Variants in AGRN observed in about 807,000 individuals in gnomAD.
AGRN encodes agrin, also known as agrin proteoglycan.
In AGRN, 106 loss-of-function variants were observed where a neutral mutation model predicts 211.0. That is an observed-to-expected ratio of 0.50 (90% confidence interval 0.43 to 0.59). The LOEUF is 0.59. Among genes scored for constraint, AGRN ranks in the 20% least tolerant of loss-of-function variants. The pLI is 0.00. For synonymous variants in AGRN, 1,525 were observed against 1,332.5 expected (o/e 1.14, Z -3.15); for missense variants, 3,040 against 2,982.6 (o/e 1.02, Z -0.45).
In AGRN at chr1:1,048,899, C is replaced by T. The variant is rs747790893; in HGVS notation, c.4138C>T (p.Arg1380Cys). 150 of 1,549,410 alleles carry T rather than the reference C, an allele frequency of 9.7e-5. No individual in the cohort carries two copies. The highest frequency in any genetic ancestry group is 1.2e-4 in the Non-Finnish European group (143 of 1,147,202). ...CGCCCCTGTGCCGGCCTTCGAGGGC[C>T]GCTCCTTCCTGGCCTTCCCCACTCT... Reference protein sequence around the residue: ...LGAPVPAFEGRSFLAFPTLRA... With the variant: ...LGAPVPAFEGCSFLAFPTLRA... The change falls in exon 24 of 36, where the codon CGC becomes TGC. Residue 1380 changes from arginine to cysteine, a missense_variant. Coordinates refer to ENST00000379370, the MANE Select transcript of AGRN (RefSeq NM_198576.4). This position sits in a 1 kb window ranked among gnomAD's most constrained non-coding sequence, Gnocchi z 5.9.
chr1:1,035,243 G>C, intron 2 of AGRN, 34 bp from the exon 3 acceptor site: 1 of 1,612,252 alleles, frequency 6.2e-7, no homozygotes, highest in African/African-American at 1.3e-5. Context: ...AGCCTGCTCA[G>C]AGGAGCCTAA....
Position 1,020,341 on chromosome 1 carries a change from G to A in AGRN, c.169G>A (p.Val57Met), listed in dbSNP as rs1644367921. The change falls in exon 1 of 36, where the codon GTG (valine) becomes ATG (methionine). Residue 57 changes from valine to methionine, a missense_variant. Transcript: ENST00000379370. ...LTGTVEEILN[V>M]DPVQHTYSCK... Reference sequence around the variant, plus strand: ...CGGGACGGTGGAGGAGATCCTCAACGTGGACCCGGTGCAGCACACGTACTC... The same window carrying A: ...CGGGACGGTGGAGGAGATCCTCAACATGGACCCGGTGCAGCACACGTACTC... 3 of 1,494,044 alleles carry A rather than the reference G, an allele frequency of 2.0e-6. No homozygotes were observed. The highest frequency in any genetic ancestry group is 2.2e-5 in the Admixed American group (1 of 45,624). The allele number at this position is 1,494,044 out of a possible 1,614,324, so 92.5% of individuals were successfully genotyped here.
At position 1,046,553 on chromosome 1, in the gene AGRN, G is replaced by A. The variant is rs775442981; in HGVS notation, c.3068G>A (p.Arg1023Gln). The A allele has an allele frequency of 9.9e-6, 16 of 1,608,942 alleles. No individual in the cohort carries two copies. The highest frequency in any genetic ancestry group is 1.7e-5 in the Admixed American group (1 of 59,820). The stretch of plus-strand genomic sequence containing the variant: ...CAGACCACCCCTCCGCCCTCATCAC[G>A]ACCTCGGACCACTGCCAGCGTCCCC... ...HSQTTPPPSS[R>Q]PRTTASVPRT... Residue 1023 changes from arginine to glutamine, a missense_variant, in exon 18 of 36, where the codon CGA (arginine) becomes CAA (glutamine). By Grantham distance (43) the Arg-to-Gln change is conservative (BLOSUM62 1). Coordinates refer to ENST00000379370, the MANE Select transcript of AGRN (RefSeq NM_198576.4).
chr1:1,044,019 G>T lies in AGRN; in HGVS notation c.1995G>T (p.Glu665Asp), dbSNP rs752339788. Residue 665 changes from glutamate to aspartate, a missense_variant, in exon 10 of 36, where the codon GAG becomes GAT. Transcript: ENST00000379370. Reference sequence around the variant, plus strand: ...AGGAGGCCCGGGCAGGGCCGTGCGAGCAGGGTAGGCCGGGGGACGCTGGCG... The same window carrying T: ...AGGAGGCCCGGGCAGGGCCGTGCGATCAGGGTAGGCCGGGGGACGCTGGCG... Reference protein sequence around the residue: ...QIEEARAGPCEQAECGSGGSG... With the variant: ...QIEEARAGPCDQAECGSGGSG... The T allele has an allele frequency of 8.7e-6, 14 of 1,609,460 alleles. No individual in the cohort carries two copies. The highest frequency in any genetic ancestry group is 2.7e-5 in the African/African-American group (2 of 74,916).
chr1:1,043,941 C>T lies in AGRN; in HGVS notation c.1917C>T (p.Tyr639=), dbSNP rs985160346. 34 of 1,607,814 alleles carry T rather than the reference C, an allele frequency of 2.1e-5. No homozygotes were observed. Among genetic ancestry groups the T allele is most frequent in the African/African-American group, 8.0e-5 (6 of 74,898 alleles). Residue 639 remains tyrosine (Y), a synonymous_variant, in exon 10 of 36, where the codon TAC becomes TAT. Transcript: ENST00000379370. ...TGTGTGGCAGCGACGGTGTCACCTA[C>T]GGCAGTGCCTGCGAGCTACGGGAAG... ...GPVCGSDGVT[Y]GSACELREAA...
intron 2 of AGRN, among the ~76,000 whole-genome samples, chr1:1,030,575 G>A (rs1644644065): frequency 1.2e-5 from 1 of 84,934 alleles, no homozygotes; most frequent in Non-Finnish European, 2.5e-5. Flanking sequence ...CAGCATGTGT[G>A]TGTGCAGTGC....
intron 2 of AGRN, among the ~76,000 whole-genome samples, chr1:1,024,893 G>A (rs1189179371): frequency 6.6e-6 from 1 of 152,220 alleles, no homozygotes; most frequent in Non-Finnish European, 1.5e-5. Context: ...CCCTCCGGAA[G>A]GAGACCCCCG....
chr1:1,033,051 C>T (rs1287874920), intron 2 of AGRN, among the ~76,000 whole-genome samples: 1 of 152,128 alleles, frequency 6.6e-6, no homozygotes, highest in Non-Finnish European at 1.5e-5. Flanking sequence ...GACCCCCATT[C>T]CCCGCCCCGG....
At chr1:1,054,137 G>A (rs571480523) in intron 34 of AGRN, among the ~76,000 whole-genome samples, 160 bp downstream of exon 34, 24 of 152,346 alleles carry the variant, frequency 1.6e-4, no homozygotes, top group African/African-American at 5.8e-4. Context: ...CCAAGAAGAT[G>A]CAGGAGAAGC....
rs746659309 is a variant in AGRN, at chr1:1,047,791, C to G, written c.3647C>G (p.Ala1216Gly). The G allele has an allele frequency of 4.4e-6, 7 of 1,606,058 alleles. No homozygotes were observed. Among genetic ancestry groups the G allele is most frequent in the Non-Finnish European group, 5.9e-6 (7 of 1,176,848 alleles). ...TCCTCCCCAGCCACAGCCTTCAGGG[C>G]ACCCGACGTGGCCCGGGCCCTGCTC... ...VHFDPTTAFRAPDVARALLRQ... is the reference protein window; with the variant it reads ...VHFDPTTAFRGPDVARALLRQ... The change falls in exon 22 of 36, where the codon GCA (alanine) becomes GGA (glycine). Residue 1216 changes from alanine (A) to glycine (G), a missense_variant. Physicochemically the swap from Ala to Gly is moderately conservative, Grantham distance 60. Coordinates refer to ENST00000379370, the MANE Select transcript of AGRN (RefSeq NM_198576.4).
At chr1:1,020,654 C>T (rs1291218621) in intron 1 of AGRN, among the ~76,000 whole-genome samples, 3 of 151,892 alleles carry the variant, frequency 2.0e-5, no homozygotes, top group Non-Finnish European at 4.4e-5. Context: ...GCCCTCCCTA[C>T]CGGCCGAGAA....
rs546593512 is a variant in AGRN, at chr1:1,055,114, C to G, written c.*133C>G. The G allele has an allele frequency of 3.0e-4, 423 of 1,412,040 alleles. 5 individuals are homozygous for G. In the South Asian group the frequency reaches 4.8e-3, roughly 16 times the overall value. The allele number at this position is 1,412,040 out of a possible 1,614,324, so 87.5% of individuals were successfully genotyped here. On this transcript the variant is annotated 3_prime_UTR_variant, in exon 36 of 36. Transcript: ENST00000379370. ...CCGGCCTCCCTTCCGTCCAGGCAGCCGTGCTGCAGACAGACCTAGTGCCGA... is the reference window on the plus strand; with the variant it reads ...CCGGCCTCCCTTCCGTCCAGGCAGCGGTGCTGCAGACAGACCTAGTGCCGA...
At chr1:1,050,066 G>A in intron 27 of AGRN, 29 bp downstream of exon 27, 1 of 1,357,600 alleles carries the variant, frequency 7.4e-7, no homozygotes, top group Non-Finnish European at 1.0e-6. Context: ...TCGGGGCAGG[G>A]GGGGGGGGGG....
At chr1:1,034,710 G>A in intron 2 of AGRN, 1 of 996,718 alleles carries the variant, frequency 1.0e-6, no homozygotes, top group Non-Finnish European at 1.2e-6. Flanking sequence ...AACTGTAGGT[G>A]GCCGCGGGCG....
chr1:1,055,493 C>T lies in AGRN; in HGVS notation c.*512C>T, dbSNP rs905557777. On this transcript the variant is annotated 3_prime_UTR_variant, in exon 36 of 36. Transcript: ENST00000379370. Reference sequence around the variant, plus strand: ...AATGTTACTGCTGGGCACAGCTCTGCGTTGCTCCCGTGCTGCCTGCGCCAG... The same window carrying T: ...AATGTTACTGCTGGGCACAGCTCTGTGTTGCTCCCGTGCTGCCTGCGCCAG... The T allele has an allele frequency of 2.0e-5, 5 of 244,340 alleles. No homozygotes were observed. The East Asian group carries it at 3.3e-4, about 16-fold the overall frequency. The allele number at this position is 244,340 out of a possible 1,614,324, so 15.1% of individuals were successfully genotyped here.
In AGRN at chr1:1,048,767, CAAAAA is replaced by C. The variant is rs57668569; in HGVS notation, c.4106-82_4106-78del. On this transcript the variant is annotated intron_variant, in intron 23 of 35. Coordinates refer to ENST00000379370, the MANE Select transcript of AGRN (RefSeq NM_198576.4). The surrounding 1 kb of genome is among the most constrained non-coding windows in gnomAD (Gnocchi z 5.9). The stretch of plus-strand genomic sequence containing the variant: ...GGGCAAAAAGAGCAAAACTCCGTCT[CAAAAA>C]AAAAAAAAAAAAAAAAAGCAGGGGG... The C allele has an allele frequency of 1.1e-3, 1,204 of 1,076,782 alleles. 1 individual carries two copies. The African/African-American group carries it at 0.017, about 15-fold the overall frequency. The allele number at this position is 1,076,782 out of a possible 1,614,324, so 66.7% of individuals were successfully genotyped here.
At chr1:1,037,789 C>T (rs1283022884) in intron 3 of AGRN, among the ~76,000 whole-genome samples, 2 of 152,188 alleles carry the variant, frequency 1.3e-5, no homozygotes, top group African/African-American at 2.4e-5. Flanking sequence ...GCAGTGTGGC[C>T]TTGTCAGGTG....
At chr1:1,040,464 G>A in intron 3 of AGRN, among the ~76,000 whole-genome samples, 1 of 152,186 alleles carries the variant, frequency 6.6e-6, no homozygotes, top group East Asian at 1.9e-4. Context: ...GGGGCTGGCG[G>A]GAATCCTCGG....
intron 3 of AGRN, among the ~76,000 whole-genome samples, chr1:1,040,357 C>T (rs1644897471): frequency 6.6e-6 from 1 of 152,212 alleles, no homozygotes; most frequent in Middle Eastern, 3.2e-3. Context: ...GGTGCTCGCC[C>T]GTCGCAGAAA....
Sources: gnomAD v4.1 joint callset for allele counts (sites outside exome capture counted in the v4.1 genomes callset) on GRCh38, gnomAD v4.1.1 for gene constraint, Gnocchi (gnomAD v3.1) non-coding constraint, MANE v1.5 for transcripts, NCBI Gene and HGNC (gene_info 2026-07-23, HGNC 2026-07-21) for gene names.